The following ASIC2 variants were observed in gnomAD, a reference collection of about 807,000 sequenced individuals.
ASIC2 encodes acid-sensing ion channel 2.
Under a neutral mutation model 57.3 loss-of-function variants are expected in ASIC2, and 25 were observed. The observed-to-expected ratio is 0.44, with a 90% confidence interval of 0.32 to 0.61. The LOEUF is 0.61. Ranked by LOEUF, ASIC2 falls within the 20% of genes least tolerant of loss-of-function variation. The probability of loss-of-function intolerance (pLI) is 0.06; values close to 1 mark genes in which losing one functional copy is unlikely to be tolerated. For missense variants in ASIC2, 641 were observed against 738.1 expected (o/e 0.87, Z 1.52); for synonymous variants, 319 against 307.5 (o/e 1.04, Z -0.39).
chr17:33,991,278 A>C (rs1427110687), intron 1 of ASIC2, among the ~76,000 whole-genome samples: 1 of 152,188 alleles, frequency 6.6e-6, no homozygotes, highest in Non-Finnish European at 1.5e-5. Context: ...CTTTTGCTTT[A>C]CTGATAAAGA....
At position 33,025,951 on chromosome 17, in the gene ASIC2, G is replaced by T. The variant is rs1261957370; in HGVS notation, c.1170C>A (p.His390Gln). 2.5e-6 allele frequency: 4 copies of T among 1,613,652 alleles called. No individual in the cohort carries two copies. Among genetic ancestry groups the T allele is most frequent in the Non-Finnish European group, 3.4e-6 (4 of 1,179,888 alleles). The change falls in exon 5 of 10, where the codon CAC becomes CAA. Residue 390 changes from histidine (H) to glutamine (Q), a missense_variant. His to Gln is a conservative substitution (Grantham distance 24, BLOSUM62 0). Coordinates refer to ENST00000225823, the MANE Select transcript of ASIC2 (RefSeq NM_183377.2). The part of the protein sequence containing the change: ...GDAPFCTPEQ[H>Q]KECAEPALGL... ...CTAGGGCAGGCTCTGCACACTCCTT[G>T]TGCTGCTCAGGGGTACAAAAAGGGG...
chr17:33,519,174 C>T (rs775724671), intron 1 of ASIC2, among the ~76,000 whole-genome samples: 7 of 152,200 alleles, frequency 4.6e-5, no homozygotes, highest in Non-Finnish European at 2.9e-5. Flanking sequence ...AGCCACAGCA[C>T]AGAGAGGTGA....
At chr17:33,743,400 C>G (rs1080685) in intron 1 of ASIC2, among the ~76,000 whole-genome samples, 67 of 152,072 alleles carry the variant, frequency 4.4e-4, no homozygotes, top group Non-Finnish European at 5.9e-5. Flanking sequence ...CTTCCTCTCC[C>G]CTCAGTTCCC....
At chr17:33,596,864 T>A (rs535359438) in intron 1 of ASIC2, among the ~76,000 whole-genome samples, 1 of 152,330 alleles carries the variant, frequency 6.6e-6, no homozygotes, top group Non-Finnish European at 1.5e-5. Context: ...AGCGGGTACA[T>A]AGACTCCGTT....
chr17:33,897,797 G>T (rs140369112), intron 1 of ASIC2, among the ~76,000 whole-genome samples: 1 of 152,220 alleles, frequency 6.6e-6, no homozygotes, highest in Admixed American at 6.5e-5. Flanking sequence ...CCAGTGGCTG[G>T]AAACTCTGGG....
chr17:33,403,193 G>A (rs1910343536), intron 1 of ASIC2, among the ~76,000 whole-genome samples: 1 of 152,170 alleles, frequency 6.6e-6, no homozygotes, highest in African/African-American at 2.4e-5. Flanking sequence ...CAGAGCCTGT[G>A]AGAGCCTTTG....
intron 1 of ASIC2, among the ~76,000 whole-genome samples, chr17:33,711,572 G>T (rs569636325): frequency 6.6e-6 from 1 of 152,284 alleles, no homozygotes; most frequent in East Asian, 1.9e-4. Flanking sequence ...AAGAAAAGAG[G>T]TTTAATTGAC....
chr17:34,066,556 C>T (rs1909179954), intron 1 of ASIC2, among the ~76,000 whole-genome samples: 1 of 152,164 alleles, frequency 6.6e-6, no homozygotes, highest in Admixed American at 6.5e-5. Context: ...CAGCTGAAAG[C>T]CTTTCACATG....
intron 1 of ASIC2, among the ~76,000 whole-genome samples, chr17:33,683,945 G>A (rs34069671): frequency 0.15 from 23,157 of 152,238 alleles, 2,251 homozygotes; most frequent in Middle Eastern, 0.28. Flanking sequence ...GGTACTGGGA[G>A]CTAGGACACT....
At chr17:33,299,244 T>C (rs1290786438) in intron 1 of ASIC2, among the ~76,000 whole-genome samples, 1 of 152,224 alleles carries the variant, frequency 6.6e-6, no homozygotes, top group African/African-American at 2.4e-5. Context: ...AACAGAGTTA[T>C]AGACCAATGC....
At chr17:33,610,982 G>A (rs895977726) in intron 1 of ASIC2, among the ~76,000 whole-genome samples, 7 of 152,158 alleles carry the variant, frequency 4.6e-5, no homozygotes, top group African/African-American at 1.7e-4. Context: ...TTCCCTCCAG[G>A]CATCTAGGAA....
chr17:34,148,961 T>C (rs776914913), intron 1 of ASIC2, among the ~76,000 whole-genome samples: 3 of 152,034 alleles, frequency 2.0e-5, no homozygotes, highest in African/African-American at 4.8e-5. Context: ...AAAAGTGAGA[T>C]CCCAGGCCTA....
rs146491806 is a variant in ASIC2 at position 33,476,852 on chromosome 17, G to A, written c.556-364785C>T. 7.0e-4 allele frequency among the ~76,000 whole-genome samples: 107 copies of A among 152,124 alleles called. 2 individuals carry two copies. In the East Asian group the frequency reaches 0.019, roughly 27 times the overall value. The stretch of plus-strand genomic sequence containing the variant: ...CCCAGAAGCCTTTCCAGTCAGTCTC[G>A]TGTGGCATGCCCGTTCATGAGTGAA... On this transcript the variant is annotated intron_variant, in intron 1 of 9. Transcript: ENST00000359872.
chr17:34,031,611 T>C (rs1381761104), intron 1 of ASIC2, among the ~76,000 whole-genome samples: 2 of 151,960 alleles, frequency 1.3e-5, no homozygotes, highest in Admixed American at 1.3e-4. Flanking sequence ...TTAAAAGCTT[T>C]GAAAAAAAAT....
intron 1 of ASIC2, among the ~76,000 whole-genome samples, chr17:34,104,559 G>A (rs969343746): frequency 8.6e-5 from 13 of 152,042 alleles, no homozygotes; most frequent in Non-Finnish European, 1.9e-4. Flanking sequence ...AAAGCATTCA[G>A]GGCTTCCCCA....
At chr17:33,716,008 C>T (rs1415165182) in intron 1 of ASIC2, among the ~76,000 whole-genome samples, 1 of 152,184 alleles carries the variant, frequency 6.6e-6, no homozygotes, top group Non-Finnish European at 1.5e-5. Context: ...ATCTCCTCCT[C>T]CATTGCCACA....
intron 1 of ASIC2, among the ~76,000 whole-genome samples, chr17:33,696,232 G>A (rs940668591): frequency 2.0e-5 from 3 of 152,110 alleles, no homozygotes; most frequent in African/African-American, 7.2e-5. Flanking sequence ...CAACTAAATA[G>A]CGCTGTTGTC....
intron 1 of ASIC2, among the ~76,000 whole-genome samples, chr17:33,182,496 G>A (rs1906023691): frequency 1.3e-5 from 2 of 152,094 alleles, no homozygotes; most frequent in Admixed American, 6.5e-5. Flanking sequence ...GTCAGACTGG[G>A]TTGAACCACC....
In ASIC2 at chr17:33,984,007, C is replaced by T. The variant is rs1905721264; in HGVS notation, c.555+171971G>A. ...TCCATGCTGTCTGTTCTTGTTGTCA[C>T]TAGTTCTGGTTTTCAGACCTTTTCA... On this transcript the variant is annotated intron_variant, in intron 1 of 9. Transcript: ENST00000359872. Among the ~76,000 whole-genome samples, 3 of 152,290 alleles carry T rather than the reference C, an allele frequency of 2.0e-5. No individual in the cohort carries two copies. In the South Asian group the frequency reaches 6.2e-4, roughly 32 times the overall value.
Sources: gnomAD v4.1 joint callset for allele counts (sites outside exome capture counted in the v4.1 genomes callset) on GRCh38, gnomAD v4.1.1 for gene constraint, MANE v1.5 for transcripts, NCBI Gene and HGNC (gene_info 2026-07-23, HGNC 2026-07-21) for gene names.